Variants in POU6F2 observed in about 807,000 individuals in gnomAD.
POU6F2 encodes POU class 6 homeobox 2, also known as POU domain, class 6, transcription factor 2.
In POU6F2, 31 loss-of-function variants were observed where a neutral mutation model predicts 71.3. The observed-to-expected ratio is 0.43, with a 90% confidence interval of 0.33 to 0.59. The LOEUF (loss-of-function observed/expected upper bound fraction) is 0.59. Among genes scored for constraint, POU6F2 ranks in the 20% least tolerant of loss-of-function variants. POU6F2 has a pLI of 0.04. For synonymous variants in POU6F2, 347 were observed against 355.7 expected (o/e 0.98, Z 0.27); for missense variants, 783 against 856.8 (o/e 0.91, Z 1.07).
Position 39,398,420 on chromosome 7 carries a change from A to G in POU6F2, c.973-8180A>G, listed in dbSNP as rs566253336. On this transcript the variant is annotated intron_variant, in intron 5 of 9. Transcript: ENST00000518318. Reference sequence around the variant, plus strand: ...AAAAAAAAAAAAAGTCTAATGAGCCATATAGATCCACTATCCAGTTCCTAC... The same window carrying G: ...AAAAAAAAAAAAAGTCTAATGAGCCGTATAGATCCACTATCCAGTTCCTAC... Among the ~76,000 whole-genome samples, 8 of 151,988 alleles carry G rather than the reference A, an allele frequency of 5.3e-5. No individual in the cohort carries two copies. The East Asian group carries it at 7.7e-4, about 15-fold the overall frequency.
chr7:39,442,350 A>G (rs1788425236), intron 7 of POU6F2, among the ~76,000 whole-genome samples: 2 of 152,234 alleles, frequency 1.3e-5, no homozygotes, highest in South Asian at 4.1e-4. Flanking sequence ...GAAGGGATCT[A>G]TTAGAGCATT....
At chr7:38,992,148 C>T (rs376172038) in intron 1 of POU6F2, among the ~76,000 whole-genome samples, 31 of 152,260 alleles carry the variant, frequency 2.0e-4, no homozygotes, top group African/African-American at 6.7e-4. Flanking sequence ...ATGACTGCTT[C>T]GTTACAACTA....
chr7:38,994,602 T>C (rs1245514286), intron 1 of POU6F2, among the ~76,000 whole-genome samples: 4 of 151,900 alleles, frequency 2.6e-5, no homozygotes, highest in African/African-American at 9.7e-5. Flanking sequence ...GAGGGTTGAG[T>C]CTGGAGGTGC....
At chr7:39,354,014 G>A (rs201535167) in intron 5 of POU6F2, among the ~76,000 whole-genome samples, 2 of 152,048 alleles carry the variant, frequency 1.3e-5, no homozygotes, top group Admixed American at 1.3e-4. Flanking sequence ...ACGCTGATCC[G>A]TAACACCCGC....
intron 2 of POU6F2, among the ~76,000 whole-genome samples, chr7:39,153,527 A>G (rs1792802145): frequency 6.6e-6 from 1 of 152,176 alleles, no homozygotes; most frequent in African/African-American, 2.4e-5. Flanking sequence ...ATGTCAACAG[A>G]AGGGTTTTGA....
chr7:39,247,486 A>G (rs1314024099), intron 4 of POU6F2, among the ~76,000 whole-genome samples: 3 of 136,616 alleles, frequency 2.2e-5, no homozygotes, highest in African/African-American at 8.2e-5. Flanking sequence ...AGAAGAAAGA[A>G]AGAAAGAGAC....
chr7:39,148,377 T>C (rs1792665025), intron 2 of POU6F2, among the ~76,000 whole-genome samples: 1 of 152,194 alleles, frequency 6.6e-6, no homozygotes, highest in African/African-American at 2.4e-5. Context: ...GAGTCCCACA[T>C]TTTTCTTCTG....
chr7:39,399,246 C>T (rs1245342365), intron 5 of POU6F2, among the ~76,000 whole-genome samples: 2 of 152,130 alleles, frequency 1.3e-5, no homozygotes, highest in African/African-American at 4.8e-5. Context: ...TCCCTGTTAG[C>T]TATACTCCCT....
At chr7:39,327,842 A>T (rs1297809587) in intron 4 of POU6F2, among the ~76,000 whole-genome samples, 4 of 150,292 alleles carry the variant, frequency 2.7e-5, no homozygotes, top group Non-Finnish European at 5.9e-5. Context: ...ATATGTATGC[A>T]TTAGTTTGTG....
At chr7:39,443,025 C>G (rs1788439322) in intron 7 of POU6F2, among the ~76,000 whole-genome samples, 1 of 152,172 alleles carries the variant, frequency 6.6e-6, no homozygotes. Context: ...CCCTTGCTCA[C>G]AGCAGATATC....
At chr7:39,083,081 T>C (rs1184684500) in intron 1 of POU6F2, among the ~76,000 whole-genome samples, 1 of 152,118 alleles carries the variant, frequency 6.6e-6, no homozygotes, top group African/African-American at 2.4e-5. Context: ...AGACAGAACA[T>C]CTTAAAGATT....
rs550469510 is a variant in POU6F2, at chr7:39,384,740, G to A, written c.973-21860G>A. Reference sequence around the variant, plus strand: ...ATTGAAAGTATCTTTTCTCTCTTCCGCAGTTAGTCCTTTTCTTTCTAGCAC... The same window carrying A: ...ATTGAAAGTATCTTTTCTCTCTTCCACAGTTAGTCCTTTTCTTTCTAGCAC... On this transcript the variant is annotated intron_variant, in intron 5 of 9. Coordinates refer to ENST00000518318, the MANE Select transcript of POU6F2 (RefSeq NM_001370959.1). 7.9e-5 allele frequency among the ~76,000 whole-genome samples: 12 copies of A among 152,120 alleles called. No homozygotes were observed. The South Asian group carries it at 1.2e-3, about 16-fold the overall frequency.
At chr7:39,374,867 G>A (rs1053744050) in intron 5 of POU6F2, among the ~76,000 whole-genome samples, 2 of 152,208 alleles carry the variant, frequency 1.3e-5, no homozygotes, top group Admixed American at 1.3e-4. Flanking sequence ...ATTTTCTCAT[G>A]TCACAGTTGA....
intron 5 of POU6F2, among the ~76,000 whole-genome samples, chr7:39,340,315 A>G (rs1172630060): frequency 6.6e-6 from 1 of 152,178 alleles, no homozygotes; most frequent in East Asian, 1.9e-4. Context: ...ATTCCATTTT[A>G]TGATACTTTT....
At chr7:39,410,772 CATT>C (rs902666233) in intron 6 of POU6F2, among the ~76,000 whole-genome samples, 4 of 152,126 alleles carry the variant, frequency 2.6e-5, no homozygotes, top group African/African-American at 9.7e-5. Context: ...TCATCATCAT[CATT>C]GTTAAGAGTT....
chr7:39,190,406 C>T (rs1793637724), intron 2 of POU6F2, among the ~76,000 whole-genome samples: 2 of 133,686 alleles, frequency 1.5e-5, no homozygotes, highest in South Asian at 4.8e-4. Context: ...TTTTCCTCCT[C>T]CTCCTTTTCT....
At chr7:39,408,264 G>A (rs1787482912) in intron 6 of POU6F2, among the ~76,000 whole-genome samples, 1 of 152,206 alleles carries the variant, frequency 6.6e-6, no homozygotes, top group African/African-American at 2.4e-5. Flanking sequence ...TCCACCGACA[G>A]ATATTTCCTT....
At chr7:39,320,479 C>T (rs771654944) in intron 4 of POU6F2, among the ~76,000 whole-genome samples, 4 of 152,016 alleles carry the variant, frequency 2.6e-5, no homozygotes, top group African/African-American at 4.8e-5. Context: ...TTTTTTTTAT[C>T]AGATTCTCAA....
At chr7:39,112,149 A>G (rs1791826615) in intron 2 of POU6F2, among the ~76,000 whole-genome samples, 1 of 152,012 alleles carries the variant, frequency 6.6e-6, no homozygotes, top group South Asian at 2.1e-4. Flanking sequence ...TGTGTATTAA[A>G]CCCAAAGCAG....
Sources: allele counts gnomAD v4.1 joint callset (sites outside exome capture counted in the v4.1 genomes callset), GRCh38; gene constraint gnomAD v4.1.1; transcripts MANE v1.5; gene names NCBI Gene and HGNC (gene_info 2026-07-23, HGNC 2026-07-21).